Variants in PDCD6IP observed in about 807,000 individuals in gnomAD.
PDCD6IP encodes programmed cell death 6-interacting protein.
Under a neutral mutation model 103.7 loss-of-function variants are expected in PDCD6IP, and 43 were observed. That is an observed-to-expected ratio of 0.41 (90% confidence interval 0.32 to 0.53). The LOEUF (loss-of-function observed/expected upper bound fraction) is 0.53. Ranked by LOEUF, PDCD6IP falls within the 20% of genes least tolerant of loss-of-function variation. PDCD6IP has a pLI of 0.16. For synonymous variants in PDCD6IP, 354 were observed against 378.7 expected (o/e 0.93, Z 0.76); for missense variants, 871 against 1,036.7 (o/e 0.84, Z 2.20).
chr3:33,802,072 T>TG (rs1479986942), intron 1 of PDCD6IP, among the ~76,000 whole-genome samples: 1 of 152,220 alleles, frequency 6.6e-6, no homozygotes, highest in African/African-American at 2.4e-5. Context: ...TAGGTAGTTC[T>TG]GGTAGCCCAG....
At chr3:33,821,864 G>T in intron 3 of PDCD6IP, 91 bp from the exon 4 acceptor site, 1 of 1,226,486 alleles carries the variant, frequency 8.2e-7, no homozygotes, top group South Asian at 1.5e-5. Context: ...AGAGTCAGCG[G>T]GATGAGAGAG....
rs578104412 is a variant in PDCD6IP, at chr3:33,836,568, A to G, written c.1057+302A>G. 4.7e-3 allele frequency among the ~76,000 whole-genome samples: 714 copies of G among 152,222 alleles called. 2 individuals are homozygous for G. Among genetic ancestry groups the G allele is most frequent in the Non-Finnish European group, 8.4e-3 (570 of 68,018 alleles). ...TAAGATGCTGCCATTAAAAATAAAC[A>G]AATATGGCTGGATGTGGTGGCTCAC... On this transcript the variant is annotated intron_variant, in intron 8 of 17. Coordinates refer to ENST00000307296, the MANE Select transcript of PDCD6IP (RefSeq NM_013374.6).
chr3:33,827,122 A>G, intron 6 of PDCD6IP: 1 of 985,424 alleles, frequency 1.0e-6, no homozygotes, highest in African/African-American at 1.7e-5. Flanking sequence ...ATCTTAAACC[A>G]CATATCACAG....
chr3:33,837,021 A>G (rs1462766477), intron 8 of PDCD6IP, among the ~76,000 whole-genome samples: 2 of 151,556 alleles, frequency 1.3e-5, no homozygotes, highest in East Asian at 3.9e-4. Flanking sequence ...CCTGGGTTCA[A>G]GTGATTCTCC....
At chr3:33,824,013 T>C (rs1466529947) in intron 4 of PDCD6IP, among the ~76,000 whole-genome samples, 1 of 152,138 alleles carries the variant, frequency 6.6e-6, no homozygotes, top group African/African-American at 2.4e-5. Flanking sequence ...CCAGAAGCTT[T>C]GTGCCGTTGG....
intron 15 of PDCD6IP, among the ~76,000 whole-genome samples, chr3:33,860,237 T>C (rs1482704278): frequency 6.6e-6 from 1 of 152,236 alleles, no homozygotes; most frequent in Non-Finnish European, 1.5e-5. Flanking sequence ...GTATATATTT[T>C]ATTTACACTT....
intron 11 of PDCD6IP, 73 bp from the exon 12 acceptor site, chr3:33,845,346 C>G (rs1697568584): frequency 3.5e-6 from 4 of 1,153,958 alleles, no homozygotes; most frequent in Non-Finnish European, 4.9e-6. Context: ...GACTAGAACT[C>G]AACATATAAC....
At chr3:33,826,410 AGTGT>A (rs1697124537) in intron 5 of PDCD6IP, 66 bp from the exon 6 acceptor site, 4 of 1,028,358 alleles carry the variant, frequency 3.9e-6, no homozygotes, top group Non-Finnish European at 4.3e-6. Context: ...TTGTGACCTC[AGTGT>A]TTATACTGAG....
intron 1 of PDCD6IP, among the ~76,000 whole-genome samples, chr3:33,802,800 G>A (rs6809978): frequency 0.29 from 44,503 of 151,742 alleles, 6,713 homozygotes; most frequent in East Asian, 0.41. Flanking sequence ...AATCTCTGAC[G>A]TTTTTTTGAG....
At chr3:33,809,490 AT>A (rs1173722348) in intron 1 of PDCD6IP, among the ~76,000 whole-genome samples, 3 of 152,196 alleles carry the variant, frequency 2.0e-5, no homozygotes, top group Admixed American at 2.0e-4. Context: ...GACCTTCAAC[AT>A]TTTTGGATGT....
In PDCD6IP at chr3:33,826,478, A is replaced by G; in HGVS notation, c.617-2A>G. 6.3e-7 allele frequency: 1 copy of G among 1,594,640 alleles called. No individual in the cohort carries two copies. The highest frequency in any genetic ancestry group is 8.6e-7 in the Non-Finnish European group (1 of 1,166,236). On this transcript the variant is annotated splice_acceptor_variant, in intron 5 of 17. Coordinates refer to ENST00000307296, the MANE Select transcript of PDCD6IP (RefSeq NM_013374.6). LOFTEE classifies it high-confidence loss of function. ...AATTATAATGGTCATATTGTATTCC[A>G]GATAAAATGAAAGATGCCATCATAG...
At chr3:33,803,817 C>T (rs112246951) in intron 1 of PDCD6IP, among the ~76,000 whole-genome samples, 1 of 151,752 alleles carries the variant, frequency 6.6e-6, no homozygotes, top group East Asian at 1.9e-4. Context: ...TTCTTTGTTC[C>T]TTTTTTCTAT....
At chr3:33,825,961 C>CTT (rs1307392124) in intron 5 of PDCD6IP, among the ~76,000 whole-genome samples, 2 of 152,066 alleles carry the variant, frequency 1.3e-5, no homozygotes, top group Non-Finnish European at 2.9e-5. Flanking sequence ...GGCACAGTCC[C>CTT]TAGCCCTGGG....
chr3:33,822,734 C>T (rs986930586), intron 4 of PDCD6IP, among the ~76,000 whole-genome samples: 16 of 152,162 alleles, frequency 1.1e-4, no homozygotes, highest in Admixed American at 1.0e-3. Flanking sequence ...CGGCTCACTG[C>T]AAGCTCCGCC....
chr3:33,863,805 A>G, intron 15 of PDCD6IP: 1 of 547,592 alleles, frequency 1.8e-6, no homozygotes, highest in East Asian at 3.2e-5. Context: ...CATATTGTAG[A>G]TCTAGTTTTA....
chr3:33,859,494 G>A (rs1697903756), intron 15 of PDCD6IP, among the ~76,000 whole-genome samples: 1 of 152,032 alleles, frequency 6.6e-6, no homozygotes, highest in Non-Finnish European at 1.5e-5. Context: ...AGAAGTGAAC[G>A]AGAAGAAAAC....
intron 8 of PDCD6IP, among the ~76,000 whole-genome samples, chr3:33,836,850 T>G (rs944254705): frequency 4.6e-5 from 7 of 151,570 alleles, no homozygotes; most frequent in East Asian, 1.9e-4. Flanking sequence ...CAGAGAGAGA[T>G]CTTTTCTCAA....
chr3:33,835,023 C>T (rs1017536995), intron 7 of PDCD6IP, among the ~76,000 whole-genome samples: 1 of 151,978 alleles, frequency 6.6e-6, no homozygotes, highest in African/African-American at 2.4e-5. Context: ...CTATTACATG[C>T]AAAATATAAG....
intron 12 of PDCD6IP, among the ~76,000 whole-genome samples, chr3:33,847,656 GAAGCCTAC>G (rs1559792544): frequency 1.3e-5 from 2 of 152,176 alleles, no homozygotes; most frequent in African/African-American, 2.4e-5. Flanking sequence ...TTATTGTGAA[GAAGCCTAC>G]TGTCTGGTTA....
Sources: gnomAD v4.1 joint callset for allele counts (sites outside exome capture counted in the v4.1 genomes callset) on GRCh38, gnomAD v4.1.1 for gene constraint, MANE v1.5 for transcripts, NCBI Gene and HGNC (gene_info 2026-07-23, HGNC 2026-07-21) for gene names.